MYO1B: variants seen among roughly 807,000 people sequenced by gnomAD.
MYO1B encodes myosin IB.
In MYO1B, 72 loss-of-function variants were observed where a neutral mutation model predicts 159.7. That is an observed-to-expected ratio of 0.45 (90% CI 0.37 to 0.55). The LOEUF is 0.55. MYO1B is among the 20% of genes least tolerant of loss of function. The probability of loss-of-function intolerance (pLI) is 0.00; values close to 1 mark genes in which losing one functional copy is unlikely to be tolerated. For missense variants in MYO1B, 1,062 were observed against 1,364.8 expected (o/e 0.78, Z 3.50); for synonymous variants, 468 against 473.8 (o/e 0.99, Z 0.16).
At chr2:191,404,099 A>G (rs1226376021) in intron 24 of MYO1B, among the ~76,000 whole-genome samples, 1 of 152,228 alleles carries the variant, frequency 6.6e-6, no homozygotes, top group African/African-American at 2.4e-5. Flanking sequence ...GAAGTCCAAG[A>G]ATATAATAAT....
chr2:191,400,293 G>T, intron 21 of MYO1B, 89 bp from the exon 22 acceptor site: 1 of 1,386,666 alleles, frequency 7.2e-7, no homozygotes. Flanking sequence ...TGGGTGTTAG[G>T]ACGATCATCT....
chr2:191,365,460 T>A (rs1574519242), intron 11 of MYO1B, among the ~76,000 whole-genome samples: 1 of 152,226 alleles, frequency 6.6e-6, no homozygotes, highest in African/African-American at 2.4e-5. Context: ...ACCATAACTT[T>A]ATATATATGG....
intron 1 of MYO1B, among the ~76,000 whole-genome samples, chr2:191,254,393 G>C (rs1397855784): frequency 6.6e-6 from 1 of 151,742 alleles, no homozygotes; most frequent in Non-Finnish European, 1.5e-5. Flanking sequence ...TTGTATTTTT[G>C]GCAGAGATGG....
intron 27 of MYO1B, among the ~76,000 whole-genome samples, chr2:191,412,435 T>G (rs1431882791): frequency 1.3e-5 from 2 of 152,236 alleles, no homozygotes; most frequent in Non-Finnish European, 2.9e-5. Flanking sequence ...CAAAAAAAGT[T>G]AACTTCAAGC....
At chr2:191,409,271 C>T in intron 26 of MYO1B, 93 bp downstream of exon 26, 1 of 1,358,822 alleles carries the variant, frequency 7.4e-7, no homozygotes, top group South Asian at 1.3e-5. Context: ...ACACATTCTT[C>T]CTTTGCCTCA....
chr2:191,420,540 G>A (rs995345156), intron 30 of MYO1B, among the ~76,000 whole-genome samples: 5 of 152,154 alleles, frequency 3.3e-5, no homozygotes, highest in Non-Finnish European at 5.9e-5. Flanking sequence ...ACAATAACAC[G>A]CTGTAGCATC....
rs796198342 is a variant in MYO1B at position 191,397,128 on chromosome 2, C to CTTTTTTTTTTT, written c.2295+650_2295+660dup. Among the ~76,000 whole-genome samples, 20 of 32,250 alleles carry CTTTTTTTTTTT rather than the reference C, an allele frequency of 6.2e-4. 1 individual carries two copies. Among genetic ancestry groups the CTTTTTTTTTTT allele is most frequent in the African/African-American group, 1.2e-3 (18 of 15,074 alleles). 21.2% of individuals were successfully genotyped at this position (32,250 alleles called of 152,430 possible). On this transcript the variant is annotated intron_variant, in intron 21 of 30. Transcript: ENST00000392318. ...TTAAAAAAGCAAAAGAAGATGATTTCTTTTTTTTTTTTTTTTTTTTTTTTT... is the reference window on the plus strand; with the variant it reads ...TTAAAAAAGCAAAAGAAGATGATTTCTTTTTTTTTTTTTTTTTTTTTTTTTTTTTTTTTTTT...
intron 14 of MYO1B, 79 bp from the exon 15 acceptor site, chr2:191,383,201 T>G: frequency 1.2e-6 from 1 of 800,566 alleles, no homozygotes; most frequent in Non-Finnish European, 2.0e-6. Flanking sequence ...TATGATAAGA[T>G]GGTCAAAGTC....
intron 1 of MYO1B, among the ~76,000 whole-genome samples, chr2:191,266,719 C>A (rs937362996): frequency 6.6e-6 from 1 of 152,170 alleles, no homozygotes; most frequent in Non-Finnish European, 1.5e-5. Flanking sequence ...TCTCCTTGCT[C>A]TTTAATTATA....
At chr2:191,401,460 A>G (rs530161357) in intron 23 of MYO1B, 1 of 152,346 alleles carries the variant, frequency 6.6e-6, no homozygotes, top group East Asian at 1.9e-4. Context: ...TCAGAAACAA[A>G]GGCCTCCTGA....
intron 7 of MYO1B, among the ~76,000 whole-genome samples, chr2:191,356,337 C>CTTTTTTT (rs79525897): frequency 2.6e-4 from 28 of 106,354 alleles, no homozygotes; most frequent in East Asian, 8.5e-4. Context: ...GGCTGGGCTT[C>CTTTTTTT]TTTTTTTTTT....
At chr2:191,373,973 T>G (rs1466695544) in intron 13 of MYO1B, among the ~76,000 whole-genome samples, 1 of 152,212 alleles carries the variant, frequency 6.6e-6, no homozygotes, top group Non-Finnish European at 1.5e-5. Context: ...TTTAAATAAA[T>G]TTATTTGTGG....
chr2:191,328,553 C>A (rs907897828), intron 3 of MYO1B, among the ~76,000 whole-genome samples: 1 of 152,206 alleles, frequency 6.6e-6, no homozygotes, highest in Admixed American at 6.5e-5. Context: ...AATGACTAAA[C>A]GTAAAGAGCT....
chr2:191,389,003 T>TC (rs1023067826), intron 17 of MYO1B, among the ~76,000 whole-genome samples: 17 of 152,228 alleles, frequency 1.1e-4, no homozygotes, highest in African/African-American at 2.9e-4. Flanking sequence ...TAGGTCTGTT[T>TC]CCCCCCCATG....
chr2:191,364,299 A>G, intron 11 of MYO1B, 23 bp downstream of exon 11: 2 of 1,562,326 alleles, frequency 1.3e-6, no homozygotes, highest in African/African-American at 1.4e-5. Context: ...TAATGTACAG[A>G]CGAAAGTTTC....
At chr2:191,289,954 G>A (rs1424438401) in intron 2 of MYO1B, among the ~76,000 whole-genome samples, 6 of 152,144 alleles carry the variant, frequency 3.9e-5, no homozygotes, top group Non-Finnish European at 8.8e-5. Flanking sequence ...CTGCCTTTGC[G>A]AAGGAATGTT....
Position 191,286,312 on chromosome 2 carries a change from A to G in MYO1B, c.135+9282A>G, listed in dbSNP as rs1191673939. Among the ~76,000 whole-genome samples the G allele has an allele frequency of 2.0e-5, 3 of 152,018 alleles. No individual in the cohort carries two copies. In the South Asian group the frequency reaches 6.2e-4, roughly 31 times the overall value. ...TTTGAACTATGTCTAAAAAACAACC[A>G]AAGTGTTTGGTAGACCATACTGTGT... On this transcript the variant is annotated intron_variant, in intron 2 of 30. Transcript: ENST00000392318.
At chr2:191,358,223 A>G (rs753474173) in intron 7 of MYO1B, among the ~76,000 whole-genome samples, 4 of 152,138 alleles carry the variant, frequency 2.6e-5, no homozygotes, top group Admixed American at 6.5e-5. Flanking sequence ...TCTCATTTGT[A>G]AAATAGGGAT....
chr2:191,398,239 A>C (rs550673056), intron 21 of MYO1B, among the ~76,000 whole-genome samples: 1 of 25,500 alleles, frequency 3.9e-5, no homozygotes, highest in Non-Finnish European at 8.0e-5. Context: ...CTGGCCGGGC[A>C]GGGGGCTGAC....
Sources: allele counts gnomAD v4.1 joint callset (sites outside exome capture counted in the v4.1 genomes callset), GRCh38; gene constraint gnomAD v4.1.1; transcripts MANE v1.5; gene names NCBI Gene and HGNC (gene_info 2026-07-23, HGNC 2026-07-21).